SYNE2: variants seen among roughly 807,000 people sequenced by gnomAD.
The protein encoded by SYNE2 is nesprin-2.
Under a neutral mutation model 856.3 loss-of-function variants are expected in SYNE2, and 431 were observed. That is an observed-to-expected ratio of 0.50 (90% confidence interval 0.47 to 0.55). SYNE2 has a LOEUF of 0.55. SYNE2 is among the 20% of genes least tolerant of loss of function. The probability of loss-of-function intolerance (pLI) is 0.00; values close to 1 mark genes in which losing one functional copy is unlikely to be tolerated. For synonymous variants in SYNE2, 2,923 were observed against 2,872.3 expected (o/e 1.02, Z -0.56); for missense variants, 8,129 against 8,023.2 (o/e 1.01, Z -0.50).
intron 50 of SYNE2, among the ~76,000 whole-genome samples, chr14:64,065,148 C>T (rs2097349033): frequency 6.6e-6 from 1 of 152,180 alleles, no homozygotes; most frequent in Non-Finnish European, 1.5e-5. Flanking sequence ...CAGGCATGAG[C>T]CACTGCGTCT....
rs190807716 is a variant in SYNE2 at position 63,958,051 on chromosome 14, A to C, written c.787+3136A>C. 7.4e-4 allele frequency among the ~76,000 whole-genome samples: 112 copies of C among 151,384 alleles called. 1 individual carries two copies. Among genetic ancestry groups the C allele is most frequent in the Admixed American group, 5.3e-4 (8 of 15,188 alleles). On this transcript the variant is annotated intron_variant, in intron 8 of 115. Coordinates refer to ENST00000555002, the MANE Select transcript of SYNE2 (RefSeq NM_182914.3). ...AGTGAGACTCCATCTCAAAAAAAACAAAAAAAAAGCCTTTTCAGTTTTAGA... is the reference window on the plus strand; with the variant it reads ...AGTGAGACTCCATCTCAAAAAAAACCAAAAAAAAGCCTTTTCAGTTTTAGA...
chr14:64,123,546 G>C (rs1316758199), intron 70 of SYNE2, among the ~76,000 whole-genome samples: 1 of 152,090 alleles, frequency 6.6e-6, no homozygotes, highest in Admixed American at 6.6e-5. Context: ...CGTGTACATA[G>C]GTCTCTTGCA....
At chr14:63,925,587 A>G (rs1354687104) in intron 2 of SYNE2, among the ~76,000 whole-genome samples, 1 of 152,104 alleles carries the variant, frequency 6.6e-6, no homozygotes, top group Non-Finnish European at 1.5e-5. Context: ...GTGCTAGCAA[A>G]TACTAGGTCT....
At chr14:63,881,525 A>C (rs1011106431) in intron 1 of SYNE2, among the ~76,000 whole-genome samples, 2 of 151,374 alleles carry the variant, frequency 1.3e-5, no homozygotes, top group African/African-American at 4.8e-5. Flanking sequence ...CTTTTGAGTT[A>C]GAGTTATAAT....
chr14:64,017,451 T>C, intron 33 of SYNE2, 144 bp from the exon 34 acceptor site: 1 of 669,626 alleles, frequency 1.5e-6, no homozygotes, highest in Non-Finnish European at 2.6e-6. Context: ...CATGATATGT[T>C]AAAGCAAATT....
intron 79 of SYNE2, among the ~76,000 whole-genome samples, chr14:64,138,809 A>G (rs902910844): frequency 4.6e-5 from 7 of 152,136 alleles, no homozygotes; most frequent in African/African-American, 7.2e-5. Flanking sequence ...TAAAAGTTAC[A>G]AGAAGGGCAG....
intron 53 of SYNE2, 44 bp from the exon 54 acceptor site, chr14:64,075,901 T>C: frequency 1.9e-6 from 3 of 1,609,470 alleles, no homozygotes; most frequent in East Asian, 2.2e-5. Flanking sequence ...AATTAAACTT[T>C]TCCCCCAGTC....
chr14:63,880,172 C>A (rs1164979929), intron 1 of SYNE2, among the ~76,000 whole-genome samples: 1 of 152,154 alleles, frequency 6.6e-6, no homozygotes, highest in Non-Finnish European at 1.5e-5. Flanking sequence ...CTCACTGCAA[C>A]CTCCGCTTCC....
chr14:64,214,882 G>A (rs2098658456), intron 106 of SYNE2, among the ~76,000 whole-genome samples: 1 of 151,974 alleles, frequency 6.6e-6, no homozygotes, highest in Non-Finnish European at 1.5e-5. Flanking sequence ...TGGGACTATA[G>A]GTACACGCCA....
At chr14:64,056,366 T>G (rs1370260207) in intron 49 of SYNE2, 100 bp downstream of exon 49, 2 of 1,179,110 alleles carry the variant, frequency 1.7e-6, no homozygotes, top group African/African-American at 1.5e-5. Flanking sequence ...AAATATAGGT[T>G]TTTTTCTCTG....
rs149055846 is a variant in SYNE2 at position 64,056,941 on chromosome 14, A to G, written c.10067+675A>G. 1.3e-3 allele frequency among the ~76,000 whole-genome samples: 201 copies of G among 152,088 alleles called. 2 individuals carry two copies. The highest frequency in any genetic ancestry group is 4.2e-3 in the African/African-American group (174 of 41,492). On this transcript the variant is annotated intron_variant, in intron 49 of 115. Coordinates refer to ENST00000555002, the MANE Select transcript of SYNE2 (RefSeq NM_182914.3). ...TGTGTTTGTGTGTCCTGTTTTCACAATTTCAAACTAATACCTAGTGTGTGC... is the reference window on the plus strand; with the variant it reads ...TGTGTTTGTGTGTCCTGTTTTCACAGTTTCAAACTAATACCTAGTGTGTGC...
At chr14:63,966,415 C>T (rs1396466047) in intron 10 of SYNE2, among the ~76,000 whole-genome samples, 1 of 151,774 alleles carries the variant, frequency 6.6e-6, no homozygotes. Flanking sequence ...GCCAGCTGCT[C>T]GGAAGACTGA....
At chr14:63,890,369 G>GGGTT (rs759414108) in intron 1 of SYNE2, among the ~76,000 whole-genome samples, 5 of 152,200 alleles carry the variant, frequency 3.3e-5, no homozygotes, top group Admixed American at 6.5e-5. Context: ...GGCTATTAAG[G>GGGTT]GGTTTTAGGA....
At position 64,062,700 on chromosome 14, in the gene SYNE2, T is replaced by C. The variant is rs756870439; in HGVS notation, c.10068-51T>C. 2.7e-6 allele frequency: 4 copies of C among 1,493,806 alleles called. No individual in the cohort carries two copies. The African/African-American group carries it at 4.1e-5, about 15-fold the overall frequency. The allele number at this position is 1,493,806 out of a possible 1,614,324, so 92.5% of individuals were successfully genotyped here. Reference sequence around the variant, plus strand: ...TTTATTCTGGGAAATTTTGAATTTATTGTGTTAAATAAAATTTAATACCAC... The same window carrying C: ...TTTATTCTGGGAAATTTTGAATTTACTGTGTTAAATAAAATTTAATACCAC... On this transcript the variant is annotated intron_variant, in intron 49 of 115. Coordinates refer to ENST00000555002, the MANE Select transcript of SYNE2 (RefSeq NM_182914.3).
chr14:64,121,191 G>T lies in SYNE2; in HGVS notation c.13158+130G>T, dbSNP rs1480065982. ...GATCACCTGTGGCCAGGTGTTCGAG[G>T]CCAGCCTGGGCAACATAGCGAGACC... On this transcript the variant is annotated intron_variant, in intron 68 of 115. Coordinates refer to ENST00000555002, the MANE Select transcript of SYNE2 (RefSeq NM_182914.3). 8 of 1,271,630 alleles carry T rather than the reference G, an allele frequency of 6.3e-6. No individual in the cohort carries two copies. In the East Asian group the frequency reaches 2.0e-4, roughly 32 times the overall value. 78.8% of individuals were successfully genotyped at this position (1,271,630 alleles called of 1,614,324 possible).
At chr14:64,133,631 G>C (rs762479339) in intron 77 of SYNE2, among the ~76,000 whole-genome samples, 3 of 152,188 alleles carry the variant, frequency 2.0e-5, no homozygotes, top group Non-Finnish European at 4.4e-5. Context: ...GGTTTGGTGG[G>C]CTTGGGCGTG....
intron 71 of SYNE2, among the ~76,000 whole-genome samples, chr14:64,125,586 T>G (rs1474939787): frequency 1.3e-5 from 2 of 152,168 alleles, no homozygotes; most frequent in Non-Finnish European, 2.9e-5. Context: ...GTGAGGTGTC[T>G]ATCAGAGAAG....
intron 109 of SYNE2, 82 bp downstream of exon 109, chr14:64,218,594 T>C: frequency 7.5e-7 from 1 of 1,330,932 alleles, no homozygotes; most frequent in Non-Finnish European, 1.1e-6. Context: ...CATTAGATAT[T>C]AACCAACTAT....
chr14:64,092,073 G>A (rs1298486874), intron 60 of SYNE2, among the ~76,000 whole-genome samples: 3 of 151,870 alleles, frequency 2.0e-5, no homozygotes, highest in Admixed American at 6.6e-5. Context: ...AAAAGATCTA[G>A]CACTCAATGT....
Sources: allele counts gnomAD v4.1 joint callset (sites outside exome capture counted in the v4.1 genomes callset), GRCh38; gene constraint gnomAD v4.1.1; transcripts MANE v1.5; gene names NCBI Gene and HGNC (gene_info 2026-07-23, HGNC 2026-07-21).